Variants in PRKCE observed in about 807,000 individuals in gnomAD.
The protein encoded by PRKCE is protein kinase C epsilon, also known as protein kinase C epsilon type.
In PRKCE, 16 loss-of-function variants were observed where a neutral mutation model predicts 85.4. That is an observed-to-expected ratio of 0.19 (90% CI 0.13 to 0.28). PRKCE has a LOEUF of 0.28. PRKCE is among the 10% of genes least tolerant of loss of function. The pLI is 1.00. For missense variants in PRKCE, 573 were observed against 975.2 expected (o/e 0.59, Z 5.49); for synonymous variants, 388 against 371.5 (o/e 1.04, Z -0.51).
At chr2:45,915,661 C>G (rs936366083) in intron 2 of PRKCE, among the ~76,000 whole-genome samples, 1 of 152,182 alleles carries the variant, frequency 6.6e-6, no homozygotes, top group Admixed American at 6.5e-5. Flanking sequence ...TGATCTTTTT[C>G]TCATTTGCCT....
intron 2 of PRKCE, among the ~76,000 whole-genome samples, chr2:45,947,374 C>G (rs769812136): frequency 6.6e-6 from 1 of 151,928 alleles, no homozygotes; most frequent in East Asian, 1.9e-4. Context: ...CTTCTGTTTG[C>G]GGGGGATGAA....
chr2:46,006,812 C>G (rs570778952), intron 8 of PRKCE, among the ~76,000 whole-genome samples: 124 of 152,302 alleles, frequency 8.1e-4, no homozygotes, highest in African/African-American at 2.8e-3. Context: ...AATTCCCGCC[C>G]CATTGGAGAT....
At chr2:45,780,492 A>T (rs1038131209) in intron 1 of PRKCE, among the ~76,000 whole-genome samples, 1 of 152,186 alleles carries the variant, frequency 6.6e-6, no homozygotes, top group Non-Finnish European at 1.5e-5. Context: ...TAAAGATGGG[A>T]GCTTCTTAGG....
chr2:46,108,067 A>G (rs1245299730), intron 11 of PRKCE, among the ~76,000 whole-genome samples: 1 of 152,172 alleles, frequency 6.6e-6, no homozygotes, highest in African/African-American at 2.4e-5. Flanking sequence ...AGCTGGGGCT[A>G]CATGTGTGTG....
At chr2:45,837,319 C>T (rs555901874) in intron 1 of PRKCE, among the ~76,000 whole-genome samples, 4 of 152,274 alleles carry the variant, frequency 2.6e-5, no homozygotes, top group South Asian at 2.1e-4. Context: ...TGCAGTGGTG[C>T]GATCTTGCCT....
intron 1 of PRKCE, among the ~76,000 whole-genome samples, chr2:45,713,500 A>G (rs1165514413): frequency 1.3e-5 from 2 of 152,136 alleles, no homozygotes; most frequent in African/African-American, 4.8e-5. Flanking sequence ...ACCCTGCTGT[A>G]AGAAACTCAG....
chr2:45,715,314 T>C (rs1179855189), intron 1 of PRKCE, among the ~76,000 whole-genome samples: 1 of 152,238 alleles, frequency 6.6e-6, no homozygotes, highest in Non-Finnish European at 1.5e-5. Flanking sequence ...CTTAAGCTCC[T>C]TGTGGGAGGA....
intron 2 of PRKCE, among the ~76,000 whole-genome samples, chr2:45,967,215 C>T (rs1701791398): frequency 6.6e-6 from 1 of 152,200 alleles, no homozygotes; most frequent in Admixed American, 6.5e-5. Flanking sequence ...GGATCCAGAG[C>T]TGGCTTCAAA....
At chr2:45,984,015 G>A (rs1427820790) in intron 5 of PRKCE, among the ~76,000 whole-genome samples, 1 of 147,082 alleles carries the variant, frequency 6.8e-6, no homozygotes, top group African/African-American at 2.5e-5. Flanking sequence ...TTGGCTCACT[G>A]CAACCTCTGC....
Position 46,143,206 on chromosome 2 carries a change from C to T in PRKCE, c.1593-1887C>T, listed in dbSNP as rs546693319. ...GTTTAATGGAATTCACAGTGCTGAGCGTGGATCATGAACTGGGAGGTGCTT... is the reference window on the plus strand; with the variant it reads ...GTTTAATGGAATTCACAGTGCTGAGTGTGGATCATGAACTGGGAGGTGCTT... On this transcript the variant is annotated intron_variant, in intron 11 of 14. Coordinates refer to ENST00000306156, the MANE Select transcript of PRKCE (RefSeq NM_005400.3). 2.0e-5 allele frequency among the ~76,000 whole-genome samples: 3 copies of T among 152,220 alleles called. 1 individual carries two copies. Among genetic ancestry groups the T allele is most frequent in the South Asian group, 4.1e-4 (2 of 4,822 alleles).
At chr2:46,153,028 A>C in intron 13 of PRKCE, among the ~76,000 whole-genome samples, 1 of 147,404 alleles carries the variant, frequency 6.8e-6, no homozygotes, top group South Asian at 2.1e-4. Context: ...CTCTGCCCTT[A>C]CTCTCCTCCC....
Position 46,132,519 on chromosome 2 carries a change from A to C in PRKCE, c.1593-12574A>C, listed in dbSNP as rs114900353. The stretch of plus-strand genomic sequence containing the variant: ...ATGGAGGCTGTCTTTATCTCTAATC[A>C]CCTTTGATTTTGTAAACTCTACCAG... On this transcript the variant is annotated intron_variant, in intron 11 of 14. Coordinates refer to ENST00000306156, the MANE Select transcript of PRKCE (RefSeq NM_005400.3). 4.8e-3 allele frequency among the ~76,000 whole-genome samples: 726 copies of C among 151,924 alleles called. 7 individuals are homozygous for C. The highest frequency in any genetic ancestry group is 0.016 in the African/African-American group (655 of 41,438).
At chr2:46,062,735 A>G (rs2103632918) in intron 10 of PRKCE, among the ~76,000 whole-genome samples, 1 of 122,026 alleles carries the variant, frequency 8.2e-6, no homozygotes, top group East Asian at 2.6e-4. Context: ...GTGCAGTGGC[A>G]CCATCTCAGC....
intron 2 of PRKCE, among the ~76,000 whole-genome samples, chr2:45,954,428 G>A (rs1700836366): frequency 6.6e-6 from 1 of 152,144 alleles, no homozygotes; most frequent in Admixed American, 6.5e-5. Flanking sequence ...GAACATGTAA[G>A]GAAATGTGAT....
chr2:45,975,345 G>C (rs1702376542), intron 2 of PRKCE, among the ~76,000 whole-genome samples: 1 of 152,170 alleles, frequency 6.6e-6, no homozygotes, highest in Admixed American at 6.5e-5. Context: ...CAAAGACTGG[G>C]TGTCTTAACC....
At position 45,963,458 on chromosome 2, in the gene PRKCE, G is replaced by C. The variant is rs567100458; in HGVS notation, c.413-12971G>C. Among the ~76,000 whole-genome samples, 148 of 151,750 alleles carry C rather than the reference G, an allele frequency of 9.8e-4. 1 individual carries two copies. Among genetic ancestry groups the C allele is most frequent in the South Asian group, 8.4e-3 (40 of 4,780 alleles). ...CGAGTAGCTGGGATTACAGGTGTGC[G>C]CCACCACGCCCGGCTAATTTTTGTG... is the stretch of plus-strand genomic sequence containing the variant. On this transcript the variant is annotated intron_variant, in intron 2 of 14. Transcript: ENST00000306156.
chr2:45,967,724 C>G (rs1004808747), intron 2 of PRKCE, among the ~76,000 whole-genome samples: 5 of 152,060 alleles, frequency 3.3e-5, no homozygotes, highest in Non-Finnish European at 5.9e-5. Context: ...GCCTCAGAAT[C>G]CAACATGGGT....
chr2:45,889,688 G>T (rs766195956), intron 2 of PRKCE, among the ~76,000 whole-genome samples: 31 of 152,336 alleles, frequency 2.0e-4, no homozygotes, highest in South Asian at 2.1e-4. Context: ...AATGGGAAAT[G>T]GCAGCTGCAG....
intron 1 of PRKCE, among the ~76,000 whole-genome samples, chr2:45,657,264 G>A (rs999312785): frequency 1.3e-5 from 2 of 152,282 alleles, no homozygotes; most frequent in South Asian, 2.1e-4. Context: ...GTGATTCCCC[G>A]GAGCAGCGAA....
Sources: allele counts gnomAD v4.1 joint callset (sites outside exome capture counted in the v4.1 genomes callset), GRCh38; gene constraint gnomAD v4.1.1; transcripts MANE v1.5; gene names NCBI Gene and HGNC (gene_info 2026-07-23, HGNC 2026-07-21).